Variants in SNX29 observed in about 807,000 individuals in gnomAD.
The protein encoded by SNX29 is sorting nexin-29.
A neutral mutation model predicts 102.1 loss-of-function variants in SNX29; 78 were observed. The ratio of observed to expected loss-of-function variants is 0.76; its 90% confidence interval spans 0.64 to 0.92. The LOEUF (loss-of-function observed/expected upper bound fraction) is 0.92, where lower values mean the gene tolerates loss of function less well. SNX29 is among the 40% of genes least tolerant of loss of function. The probability of loss-of-function intolerance (pLI) is 0.00; values close to 1 mark genes in which losing one functional copy is unlikely to be tolerated. For missense variants in SNX29, 1,280 were observed against 1,061.7 expected (o/e 1.21, Z -2.86); for synonymous variants, 580 against 414.5 (o/e 1.40, Z -4.85).
intron 13 of SNX29, among the ~76,000 whole-genome samples, chr16:12,162,904 G>A (rs1446587169): frequency 1.3e-5 from 2 of 151,600 alleles, no homozygotes; most frequent in Non-Finnish European, 2.9e-5. Context: ...TTTTTTTTGA[G>A]ACAGTCTCAC....
At chr16:12,151,610 C>T (rs559743186) in intron 13 of SNX29, among the ~76,000 whole-genome samples, 17 of 152,312 alleles carry the variant, frequency 1.1e-4, no homozygotes, top group Non-Finnish European at 2.1e-4. Flanking sequence ...CTTTGCAGGA[C>T]GGTTTCTTTT....
chr16:12,545,957 G>A (rs750011800), intron 20 of SNX29, among the ~76,000 whole-genome samples: 22 of 152,152 alleles, frequency 1.4e-4, no homozygotes, highest in Admixed American at 9.2e-4. Context: ...ACAACTAAGG[G>A]CAGGATGTGT....
chr16:12,568,153 A>C (rs1386063297), intron 20 of SNX29, among the ~76,000 whole-genome samples: 1 of 152,178 alleles, frequency 6.6e-6, no homozygotes, highest in African/African-American at 2.4e-5. Flanking sequence ...TGGACTTAGA[A>C]GCGTACCTTT....
chr16:12,515,461 A>T (rs2089821825), intron 19 of SNX29: 2 of 480,226 alleles, frequency 4.2e-6, no homozygotes, highest in South Asian at 3.1e-5. Flanking sequence ...TAGATCAGTC[A>T]GCTCTGAAAT....
rs1007911929 is a variant in SNX29 at position 12,570,083 on chromosome 16, C to A, written c.*1454C>A. 2 of 793,058 alleles carry A rather than the reference C, an allele frequency of 2.5e-6. No homozygotes were observed. The highest frequency in any genetic ancestry group is 1.8e-5 in the African/African-American group (1 of 55,504). The allele number at this position is 793,058 out of a possible 1,614,324, so 49.1% of individuals were successfully genotyped here. On this transcript the variant is annotated 3_prime_UTR_variant, in exon 21 of 21. Transcript: ENST00000566228. ...TGGAGAATCATCTGGAAGGTTTATA[C>A]TGTGCCTTCCCCTCGTAGCAAAAAG...
intron 10 of SNX29, among the ~76,000 whole-genome samples, chr16:12,071,294 T>C (rs573931960): frequency 6.6e-6 from 1 of 152,360 alleles, no homozygotes; most frequent in East Asian, 1.9e-4. Flanking sequence ...AGGGTTTTTA[T>C]GGTTTTAGGT....
chr16:12,544,053 A>G (rs902868968), intron 20 of SNX29, among the ~76,000 whole-genome samples: 1 of 152,234 alleles, frequency 6.6e-6, no homozygotes, highest in Non-Finnish European at 1.5e-5. Flanking sequence ...GCAAAGCCAC[A>G]GGAATCACAT....
intron 20 of SNX29, among the ~76,000 whole-genome samples, chr16:12,558,511 C>T (rs2078515521): frequency 6.6e-6 from 1 of 152,250 alleles, no homozygotes; most frequent in African/African-American, 2.4e-5. Flanking sequence ...TTAATGAGCA[C>T]TGTTTACCCC....
chr16:12,501,356 G>A (rs111542962), intron 19 of SNX29, among the ~76,000 whole-genome samples: 202 of 152,194 alleles, frequency 1.3e-3, no homozygotes, highest in African/African-American at 4.4e-3. Flanking sequence ...GTGAGCTAGG[G>A]TTGCACCACT....
At chr16:12,280,257 A>G (rs1232952769) in intron 15 of SNX29, among the ~76,000 whole-genome samples, 2 of 152,218 alleles carry the variant, frequency 1.3e-5, no homozygotes, top group Admixed American at 6.5e-5. Flanking sequence ...AGAGTAGATG[A>G]GGGGAGAAAG....
At chr16:12,172,008 G>C (rs907130374) in intron 13 of SNX29, among the ~76,000 whole-genome samples, 1 of 152,196 alleles carries the variant, frequency 6.6e-6, no homozygotes, top group Non-Finnish European at 1.5e-5. Flanking sequence ...CCCCGCTGCT[G>C]CTTATTAGTG....
At chr16:12,456,652 A>G (rs1032201651) in intron 18 of SNX29, among the ~76,000 whole-genome samples, 24 of 151,650 alleles carry the variant, frequency 1.6e-4, no homozygotes, top group African/African-American at 5.6e-4. Context: ...GTGTGCCTGA[A>G]GGGATACGTG....
At chr16:12,311,378 G>T (rs116112694) in intron 15 of SNX29, among the ~76,000 whole-genome samples, 1 of 152,318 alleles carries the variant, frequency 6.6e-6, no homozygotes, top group African/African-American at 2.4e-5. Flanking sequence ...CCCTGTCCAG[G>T]TGTTAGTTTC....
intron 18 of SNX29, among the ~76,000 whole-genome samples, chr16:12,451,445 GGCTGCCC>G (rs1276354159): frequency 6.6e-6 from 1 of 152,248 alleles, no homozygotes; most frequent in Non-Finnish European, 1.5e-5. Flanking sequence ...ATGATCCGGT[GGCTGCCC>G]AATGTGTGGG....
At chr16:12,336,483 C>A (rs1188721270) in intron 15 of SNX29, among the ~76,000 whole-genome samples, 1 of 152,196 alleles carries the variant, frequency 6.6e-6, no homozygotes, top group East Asian at 1.9e-4. Context: ...ATGCCCATAG[C>A]TTAAAATTTT....
chr16:12,042,915 A>T lies in SNX29; in HGVS notation c.266A>T (p.Tyr89Phe). ...TCCGTAGAGCCCGTGTTCTGGTACTACGTGAAGGAGGTCCTCAACAAGCAC... is the reference window on the plus strand; with the variant it reads ...TCCGTAGAGCCCGTGTTCTGGTACTTCGTGAAGGAGGTCCTCAACAAGCAC... ...KTETEPVFWYYVKEVLNKHEL... is the reference protein window; with the variant it reads ...KTETEPVFWYFVKEVLNKHEL... The change falls in exon 5 of 21, where the codon TAC becomes TTC. Residue 89 changes from tyrosine to phenylalanine, a missense_variant. Coordinates refer to ENST00000566228, the MANE Select transcript of SNX29 (RefSeq NM_032167.5). 2 of 1,612,396 alleles carry T rather than the reference A, an allele frequency of 1.2e-6. No individual in the cohort carries two copies. The highest frequency in any genetic ancestry group is 1.7e-6 in the Non-Finnish European group (2 of 1,178,818).
chr16:12,395,641 C>T (rs1231351547), intron 16 of SNX29, among the ~76,000 whole-genome samples: 1 of 152,046 alleles, frequency 6.6e-6, no homozygotes. Flanking sequence ...TGGTTTGTGC[C>T]CCATATTGAG....
At chr16:12,159,858 G>A (rs1003098568) in intron 13 of SNX29, among the ~76,000 whole-genome samples, 2 of 152,164 alleles carry the variant, frequency 1.3e-5, no homozygotes, top group Non-Finnish European at 2.9e-5. Context: ...CCCTTATCCC[G>A]TGCTTTTGCA....
At chr16:12,515,803 A>C (rs760796764) in intron 19 of SNX29, among the ~76,000 whole-genome samples, 40 of 152,142 alleles carry the variant, frequency 2.6e-4, no homozygotes, top group African/African-American at 4.3e-4. Context: ...TGCGGCAGAT[A>C]GTCACTGAGT....
Sources: gnomAD v4.1 joint callset for allele counts (sites outside exome capture counted in the v4.1 genomes callset) on GRCh38, gnomAD v4.1.1 for gene constraint, MANE v1.5 for transcripts, NCBI Gene and HGNC (gene_info 2026-07-23, HGNC 2026-07-21) for gene names.